The following PLCL2 variants were observed in gnomAD, a reference collection of about 807,000 sequenced individuals.
PLCL2 encodes the protein phospholipase C like 2, also known as inactive phospholipase C-like protein 2.
A neutral mutation model predicts 79.6 loss-of-function variants in PLCL2; 4 were observed. The observed-to-expected ratio is 0.05, with a 90% CI of 0.02 to 0.11. PLCL2 has a LOEUF of 0.11. PLCL2 is among the 10% of genes least tolerant of loss of function. PLCL2 has a pLI of 1.00. For synonymous variants in PLCL2, 484 were observed against 457.7 expected (o/e 1.06, Z -0.73); for missense variants, 895 against 1,291.0 (o/e 0.69, Z 4.70).
rs1005418326 is a variant in PLCL2 at position 17,060,362 on chromosome 3, T to C, written c.3095-7594T>C. Reference sequence around the variant, plus strand: ...AACCTGGTTTATCTTTTCCATCTCATGTGGAATGGGATTTAACAGTTCAAA... The same window carrying C: ...AACCTGGTTTATCTTTTCCATCTCACGTGGAATGGGATTTAACAGTTCAAA... On this transcript the variant is annotated intron_variant, in intron 4 of 5. Transcript: ENST00000615277. Among the ~76,000 whole-genome samples the C allele has an allele frequency of 2.0e-5, 3 of 152,224 alleles. No individual in the cohort carries two copies. In the East Asian group the frequency reaches 5.8e-4, roughly 29 times the overall value.
chr3:16,946,442 GT>G (rs1323975470), intron 1 of PLCL2, among the ~76,000 whole-genome samples: 1 of 151,368 alleles, frequency 6.6e-6, no homozygotes, highest in East Asian at 1.9e-4. Flanking sequence ...TTTCTGTTTG[GT>G]TTAACTACTA....
At chr3:17,050,731 T>C (rs1205252505) in intron 4 of PLCL2, among the ~76,000 whole-genome samples, 1 of 152,152 alleles carries the variant, frequency 6.6e-6, no homozygotes, top group Admixed American at 6.6e-5. Flanking sequence ...TGGAGAGCAG[T>C]TTGAAGGTTC....
intron 4 of PLCL2, among the ~76,000 whole-genome samples, chr3:17,062,810 C>A (rs1026455937): frequency 1.3e-5 from 2 of 152,072 alleles, no homozygotes; most frequent in Non-Finnish European, 2.9e-5. Context: ...AATCCCAGTT[C>A]TTATTCCCTC....
At chr3:16,984,830 G>C (rs1348399556) in intron 1 of PLCL2, among the ~76,000 whole-genome samples, 2 of 151,984 alleles carry the variant, frequency 1.3e-5, no homozygotes, top group African/African-American at 4.8e-5. Context: ...TACTCGGGAC[G>C]CTGAGGCAGG....
chr3:16,965,443 G>A (rs1300854823), intron 1 of PLCL2, among the ~76,000 whole-genome samples: 4 of 152,062 alleles, frequency 2.6e-5, no homozygotes, highest in African/African-American at 9.7e-5. Context: ...ATAGTTTGAA[G>A]TCAGGTAGCG....
chr3:16,919,166 T>C (rs1366537416), intron 1 of PLCL2, among the ~76,000 whole-genome samples: 3 of 152,274 alleles, frequency 2.0e-5, no homozygotes, highest in Admixed American at 6.5e-5. Flanking sequence ...TAATAGGAAA[T>C]AGTACAGTTG....
intron 1 of PLCL2, among the ~76,000 whole-genome samples, chr3:16,969,616 T>C (rs923962235): frequency 4.6e-5 from 7 of 152,086 alleles, no homozygotes; most frequent in African/African-American, 1.7e-4. Flanking sequence ...ATTGTATTTA[T>C]TTGGGTCTTC....
chr3:16,912,455 T>C (rs1200761005), intron 1 of PLCL2, among the ~76,000 whole-genome samples: 9 of 152,266 alleles, frequency 5.9e-5, no homozygotes, highest in Non-Finnish European at 7.3e-5. Flanking sequence ...AAAATATTAC[T>C]TGTTAGTGGT....
At chr3:17,038,420 A>G (rs1215773718) in intron 3 of PLCL2, among the ~76,000 whole-genome samples, 3 of 152,234 alleles carry the variant, frequency 2.0e-5, no homozygotes, top group Non-Finnish European at 4.4e-5. Context: ...ATTAATGCAA[A>G]TAATGCTTAT....
intron 1 of PLCL2, among the ~76,000 whole-genome samples, chr3:16,970,651 T>G (rs1408220715): frequency 6.8e-6 from 1 of 148,076 alleles, no homozygotes; most frequent in Non-Finnish European, 1.5e-5. Context: ...TCTTCCACAA[T>G]GGTTGAACTA....
In PLCL2 at chr3:16,885,137, G is replaced by T. The variant is rs1234896739; in HGVS notation, c.98G>T (p.Gly33Val). 5.9e-6 allele frequency: 3 copies of T among 506,496 alleles called. No homozygotes were observed. The highest frequency in any genetic ancestry group is 3.8e-5 in the Admixed American group (1 of 26,260). The allele number at this position is 506,496 out of a possible 1,614,324, so 31.4% of individuals were successfully genotyped here. The change falls in exon 1 of 6, where the codon GGG (glycine) becomes GTG (valine). Residue 33 changes from glycine (G) to valine (V), a missense_variant. Physicochemically the swap from Gly to Val is moderately radical, Grantham distance 109. This residue lies in a region of PLCL2 where 110 missense variants were observed against 42.9 expected (regional missense o/e 2.56). Transcript: ENST00000615277. ...GAKGALKAGVGEGGGGGGRLG... is the reference protein window; with the variant it reads ...GAKGALKAGVVEGGGGGGRLG... The stretch of plus-strand genomic sequence containing the variant: ...AAGGGCGCCCTGAAAGCCGGAGTGG[G>T]GGAAGGCGGTGGCGGGGGAGGTCGC...
Position 16,996,141 on chromosome 3 carries a change from C to A in PLCL2, c.328-13533C>A, listed in dbSNP as rs573358637. On this transcript the variant is annotated intron_variant, in intron 1 of 5. Coordinates refer to ENST00000615277, the MANE Select transcript of PLCL2 (RefSeq NM_001144382.2). The stretch of plus-strand genomic sequence containing the variant: ...AACCTGGAACAATTAGGTGAGCACA[C>A]CTACTGAGTTGTTTTGAGGAATAGA... Among the ~76,000 whole-genome samples the A allele has an allele frequency of 6.9e-4, 105 of 152,240 alleles. No individual in the cohort carries two copies. The South Asian group carries it at 9.8e-3, about 14-fold the overall frequency.
At chr3:17,013,904 G>A (rs958967792) in intron 2 of PLCL2, among the ~76,000 whole-genome samples, 2 of 152,354 alleles carry the variant, frequency 1.3e-5, no homozygotes, top group Admixed American at 6.5e-5. Flanking sequence ...GACAAACAGA[G>A]AAGGATTATA....
At chr3:17,034,734 C>T (rs777609664) in intron 3 of PLCL2, among the ~76,000 whole-genome samples, 8 of 152,148 alleles carry the variant, frequency 5.3e-5, no homozygotes, top group Admixed American at 2.0e-4. Context: ...GGAAACTTAA[C>T]CCTTGTTTAT....
intron 3 of PLCL2, among the ~76,000 whole-genome samples, chr3:17,018,697 T>C (rs1456982535): frequency 6.6e-6 from 1 of 152,222 alleles, no homozygotes. Context: ...ATTGATTTGC[T>C]TTAAAGATGT....
chr3:16,960,472 C>T (rs186823188), intron 1 of PLCL2, among the ~76,000 whole-genome samples: 133 of 152,274 alleles, frequency 8.7e-4, no homozygotes, highest in East Asian at 5.8e-4. Flanking sequence ...GCTCCTGGAC[C>T]TGACTCTCAG....
At chr3:16,962,487 A>C (rs2063764453) in intron 1 of PLCL2, among the ~76,000 whole-genome samples, 1 of 151,290 alleles carries the variant, frequency 6.6e-6, no homozygotes, top group Non-Finnish European at 1.5e-5. Context: ...TCTCAATATT[A>C]ATAATTCAGA....
intron 5 of PLCL2, among the ~76,000 whole-genome samples, chr3:17,084,057 A>G (rs2065191115): frequency 6.6e-6 from 1 of 152,230 alleles, no homozygotes; most frequent in Non-Finnish European, 1.5e-5. Flanking sequence ...CAAGCTAACT[A>G]AGAAAGAGAT....
chr3:16,944,325 A>G (rs569630438), intron 1 of PLCL2, among the ~76,000 whole-genome samples: 28 of 152,210 alleles, frequency 1.8e-4, no homozygotes, highest in South Asian at 6.2e-4. Context: ...CCATTTTTCA[A>G]TGGGGAGCCA....
Sources: gnomAD v4.1 joint callset for allele counts (sites outside exome capture counted in the v4.1 genomes callset) on GRCh38, gnomAD v4.1.1 for gene constraint, gnomAD v4.1.1 regional missense constraint, MANE v1.5 for transcripts, NCBI Gene and HGNC (gene_info 2026-07-23, HGNC 2026-07-21) for gene names.